Variants in DOCK1 observed in about 807,000 individuals in gnomAD.
The protein encoded by DOCK1 is dedicator of cytokinesis 1, also known as dedicator of cytokinesis protein 1.
In DOCK1, 138 loss-of-function variants were observed where a neutral mutation model predicts 262.7. That is an observed-to-expected ratio of 0.53 (90% CI 0.46 to 0.61). The LOEUF (loss-of-function observed/expected upper bound fraction) is 0.61. Ranked by LOEUF, DOCK1 falls within the 20% of genes least tolerant of loss-of-function variation. The pLI is 0.00. For missense variants in DOCK1, 1,908 were observed against 2,370.7 expected (o/e 0.80, Z 4.05); for synonymous variants, 866 against 867.4 (o/e 1.00, Z 0.03).
chr10:127,175,191 G>C lies in DOCK1; in HGVS notation c.2847+47427G>C. ...GTGATCAGCCTGCATAGCTTCCTAA[G>C]ACATGGGTGAACATACATACCCTTC... On this transcript the variant is annotated intron_variant, in intron 27 of 51. Coordinates refer to ENST00000623213, the MANE Select transcript of DOCK1 (RefSeq NM_001290223.2). This position sits in a 1 kb window ranked among gnomAD's most constrained non-coding sequence, Gnocchi z 6.3. 1 of 1,584,558 alleles carries C rather than the reference G, an allele frequency of 6.3e-7. No homozygotes were observed. The highest frequency in any genetic ancestry group is 8.6e-7 in the Non-Finnish European group (1 of 1,161,168).
intron 40 of DOCK1, among the ~76,000 whole-genome samples, chr10:127,405,094 C>T (rs2067441872): frequency 2.0e-5 from 3 of 152,132 alleles, no homozygotes; most frequent in African/African-American, 7.2e-5. Context: ...TTCATTGATC[C>T]ACTGATGAAC....
At chr10:127,310,684 G>T (rs916336838) in intron 29 of DOCK1, among the ~76,000 whole-genome samples, 1 of 152,132 alleles carries the variant, frequency 6.6e-6, no homozygotes, top group Non-Finnish European at 1.5e-5. Flanking sequence ...TTTCAAAGCC[G>T]CAGGAGTGGC....
chr10:127,082,777 C>T (rs564000126), intron 23 of DOCK1, among the ~76,000 whole-genome samples: 52 of 152,218 alleles, frequency 3.4e-4, no homozygotes, highest in Middle Eastern at 6.8e-3. Context: ...GTCTCCTTTC[C>T]CCGTGCCCCA....
In DOCK1 at chr10:127,353,804, C is replaced by G. The variant is rs112439805; in HGVS notation, c.3225-865C>G. Among the ~76,000 whole-genome samples, 531 of 152,264 alleles carry G rather than the reference C, an allele frequency of 3.5e-3. 3 individuals carry two copies. The highest frequency in any genetic ancestry group is 0.012 in the African/African-American group (489 of 41,548). On this transcript the variant is annotated intron_variant, in intron 31 of 51. Coordinates refer to ENST00000623213, the MANE Select transcript of DOCK1 (RefSeq NM_001290223.2). ...CAGGTGCTTAGGGCACCAGAGTCTT[C>G]TCTAATAAGGTGGCAGCTGGCCGCG...
chr10:127,404,427 C>T lies in DOCK1; in HGVS notation c.4120C>T (p.Arg1374Trp), dbSNP rs1293651177. The T allele has an allele frequency of 6.2e-7, 1 of 1,612,570 alleles. No homozygotes were observed. Among genetic ancestry groups the T allele is most frequent in the East Asian group, 2.2e-5 (1 of 44,860 alleles). ...YYGQGFPTFL[R>W]GKVFIYRGKE... ...CGGACAAGGGTTCCCCACATTCCTG[C>T]GGGTAAAGTTTGGTTCTGCCTAATC... The change falls in exon 40 of 52, where the codon CGG (arginine) becomes TGG (tryptophan). Residue 1374 changes from arginine (R) to tryptophan (W), a missense_variant and splice_region_variant. Arg to Trp is a moderately radical substitution (Grantham distance 101). Around this residue, in one of 9 missense-constraint regions of DOCK1, gnomAD observed 267 missense variants for 366.3 expected, o/e 0.73. Coordinates refer to ENST00000623213, the MANE Select transcript of DOCK1 (RefSeq NM_001290223.2).
At chr10:127,249,164 A>G (rs1172389467) in intron 28 of DOCK1, among the ~76,000 whole-genome samples, 1 of 152,080 alleles carries the variant, frequency 6.6e-6, no homozygotes, top group Non-Finnish European at 1.5e-5. Context: ...TGCACTTGAC[A>G]TGTACCTTAT....
intron 27 of DOCK1, among the ~76,000 whole-genome samples, chr10:127,221,204 G>A (rs573874253): frequency 2.0e-4 from 31 of 152,288 alleles, no homozygotes; most frequent in African/African-American, 6.3e-4. Flanking sequence ...CATTATCAAA[G>A]GTTGGAAGAA....
At chr10:127,148,517 G>T (rs1249873894) in intron 27 of DOCK1, among the ~76,000 whole-genome samples, 1 of 152,070 alleles carries the variant, frequency 6.6e-6, no homozygotes, top group African/African-American at 2.4e-5. Flanking sequence ...CCATTTTGTC[G>T]CAGTACTATG....
At position 127,403,091 on chromosome 10, in the gene DOCK1, G is replaced by A. The variant is rs760276699; in HGVS notation, c.3964G>A (p.Ala1322Thr). ...EEAIALGKEL[A>T]EQYENEMFDY... The stretch of plus-strand genomic sequence containing the variant: ...GGCCATTGCCTTGGGCAAGGAGCTA[G>A]CCGAGCAGTATGAGAACGAAATGTT... Residue 1322 changes from alanine to threonine, a missense_variant, in exon 39 of 52, where the codon GCC (alanine) becomes ACC (threonine). Physicochemically the swap from Ala to Thr is moderately conservative, Grantham distance 58 (BLOSUM62 0). Transcript: ENST00000623213. 2 of 1,613,064 alleles carry A rather than the reference G, an allele frequency of 1.2e-6. No individual in the cohort carries two copies. Among genetic ancestry groups the A allele is most frequent in the Admixed American group, 1.7e-5 (1 of 59,928 alleles).
intron 33 of DOCK1, among the ~76,000 whole-genome samples, chr10:127,364,399 G>T (rs1011471158): frequency 1.3e-5 from 2 of 151,906 alleles, no homozygotes; most frequent in African/African-American, 4.8e-5. Context: ...ACGGAGTCTC[G>T]CTCTGTTGCC....
rs1241367681 is a variant in DOCK1, at chr10:127,175,508, C to A, written c.2847+47744C>A. 6.2e-7 allele frequency: 1 copy of A among 1,608,942 alleles called. No homozygotes were observed. The highest frequency in any genetic ancestry group is 8.5e-7 in the Non-Finnish European group (1 of 1,180,004). On this transcript the variant is annotated intron_variant, in intron 27 of 51. Transcript: ENST00000623213. This position sits in a 1 kb window ranked among gnomAD's most constrained non-coding sequence, Gnocchi z 6.3. ...GGGCAGTTTCCGAGGGCGCCTGGAG[C>A]CCGTTGAGATGTGTGGCTCTCCTCC...
At chr10:126,940,236 T>A (rs1332157081) in intron 1 of DOCK1, among the ~76,000 whole-genome samples, 29 of 152,208 alleles carry the variant, frequency 1.9e-4, no homozygotes, top group Admixed American at 1.8e-3. Context: ...TGCCTTGCTT[T>A]GTAATTTTGG....
intron 22 of DOCK1, among the ~76,000 whole-genome samples, chr10:127,057,961 T>G (rs2045272812): frequency 2.0e-5 from 3 of 152,310 alleles, no homozygotes; most frequent in African/African-American, 7.2e-5. Flanking sequence ...TCTGTTTATT[T>G]ATCGATAAGT....
At chr10:127,185,185 C>T (rs181950531) in intron 27 of DOCK1, among the ~76,000 whole-genome samples, 129 of 152,272 alleles carry the variant, frequency 8.5e-4, no homozygotes, top group Admixed American at 2.7e-3. Flanking sequence ...GTAGGTCCCT[C>T]TAAGTCTTCC....
At position 127,012,517 on chromosome 10, in the gene DOCK1, T is replaced by TG. The variant is rs544341908; in HGVS notation, c.1201+144dup. ...CAGTGATCGTGGTGGAGAATGTGTG[T>TG]GACAGTTGCCCCTGTGTACAGTGCA... On this transcript the variant is annotated intron_variant, in intron 12 of 51. Coordinates refer to ENST00000623213, the MANE Select transcript of DOCK1 (RefSeq NM_001290223.2). This position sits in a 1 kb window ranked among gnomAD's most constrained non-coding sequence, Gnocchi z 4.0. 6.1e-5 allele frequency: 45 copies of TG among 740,560 alleles called. No homozygotes were observed. The East Asian group carries it at 1.1e-3, about 19-fold the overall frequency. 45.9% of individuals were successfully genotyped at this position (740,560 alleles called of 1,614,324 possible).
rs1225905228 is a variant in DOCK1 at position 127,451,625 on chromosome 10, A to T, written c.*198A>T. On this transcript the variant is annotated 3_prime_UTR_variant, in exon 52 of 52. Transcript: ENST00000623213. ...CGTCATGGAGCAAGGTGGGTCTGGG[A>T]GGTAGATATGGGTCCGGGATGTGCT... The T allele has an allele frequency of 3.8e-6, 5 of 1,329,052 alleles. No homozygotes were observed. In the African/African-American group the frequency reaches 7.4e-5, roughly 20 times the overall value. 82.3% of individuals were successfully genotyped at this position (1,329,052 alleles called of 1,614,324 possible). A position where few individuals can be genotyped will look rare whatever the true frequency, so the allele number is the denominator to read the frequency against.
chr10:126,961,724 ATGTT>A (rs1350314296), intron 1 of DOCK1, among the ~76,000 whole-genome samples: 47 of 152,278 alleles, frequency 3.1e-4, no homozygotes, highest in African/African-American at 1.1e-3. Context: ...TATGTGTAAC[ATGTT>A]GTTGAGTAAT....
At chr10:127,077,433 G>A (rs572296410) in intron 23 of DOCK1, among the ~76,000 whole-genome samples, 3 of 152,258 alleles carry the variant, frequency 2.0e-5, no homozygotes, top group Admixed American at 1.3e-4. Flanking sequence ...AGAAAGCAGT[G>A]CTAAGTACTT....
At chr10:127,291,281 G>T (rs2061337551) in intron 29 of DOCK1, among the ~76,000 whole-genome samples, 1 of 152,178 alleles carries the variant, frequency 6.6e-6, no homozygotes, top group Admixed American at 6.5e-5. Context: ...ATTTTACCTG[G>T]TAGCAGGTGC....
Sources: allele counts gnomAD v4.1 joint callset (sites outside exome capture counted in the v4.1 genomes callset), GRCh38; gene constraint gnomAD v4.1.1; regional missense constraint gnomAD v4.1.1; non-coding constraint Gnocchi (gnomAD v3.1); transcripts MANE v1.5; gene names NCBI Gene and HGNC (gene_info 2026-07-23, HGNC 2026-07-21).